Variants in ERN2 observed in about 807,000 individuals in gnomAD.
ERN2 encodes the protein serine/threonine-protein kinase/endoribonuclease IRE2.
In ERN2, 111 loss-of-function variants were observed where a neutral mutation model predicts 107.9. That is an observed-to-expected ratio of 1.03 (90% CI 0.88 to 1.20). The LOEUF is 1.20. ERN2 is among the 50% of genes most tolerant of loss of function. The probability of loss-of-function intolerance (pLI) is 0.00; values close to 1 mark genes in which losing one functional copy is unlikely to be tolerated. For missense variants in ERN2, 1,225 were observed against 1,197.9 expected (o/e 1.02, Z -0.33); for synonymous variants, 524 against 501.7 (o/e 1.04, Z -0.59).
At chr16:23,699,710 A>G (rs1456249902) in intron 13 of ERN2, among the ~76,000 whole-genome samples, 1 of 152,216 alleles carries the variant, frequency 6.6e-6, no homozygotes, top group African/African-American at 2.4e-5. Context: ...GGTGTAAGCC[A>G]CCATGCCCAA....
rs1471359919 is a variant in ERN2 at position 23,692,025 on chromosome 16, C to A, written c.2314G>T (p.Ala772Ser). The change falls in exon 19 of 22, where the codon GCC (alanine) becomes TCC (serine). Residue 772 changes from alanine (A) to serine (S), a missense_variant. Ala to Ser is a moderately conservative substitution (Grantham distance 99). Coordinates refer to ENST00000256797, the MANE Select transcript of ERN2 (RefSeq NM_033266.4). ...AAGGGGTGGGCCAGCACCTGGGGGG[C>A]AGAGGGGCGTGGCTGCGGCAGTGGG... ...LSPLPQPRPS[A>S]PQVLAHPFFW... 6.2e-7 allele frequency: 1 copy of A among 1,613,936 alleles called. No individual in the cohort carries two copies. Among genetic ancestry groups the A allele is most frequent in the Non-Finnish European group, 8.5e-7 (1 of 1,179,992 alleles).
intron 5 of ERN2, 35 bp from the exon 6 acceptor site, chr16:23,706,896 G>A (rs774446131): frequency 6.3e-7 from 1 of 1,585,942 alleles, no homozygotes; most frequent in East Asian, 2.2e-5. Context: ...CTCTCAAGTT[G>A]GCATGGGAAG....
In ERN2 at chr16:23,694,893, G is replaced by A. The variant is rs1470747789; in HGVS notation, c.1935C>T (p.Ile645=). ...HRDLKPGNIL[I]TGPDSQGLGR... ...CCAGGCCCTGGCTGTCAGGCCCGGTGATGAGAATATTTCCTGGCTTCAGGT... is the reference window on the plus strand; with the variant it reads ...CCAGGCCCTGGCTGTCAGGCCCGGTAATGAGAATATTTCCTGGCTTCAGGT... Residue 645 remains isoleucine (I), a synonymous_variant, in exon 17 of 22, where the codon ATC becomes ATT. Transcript: ENST00000256797. 6.2e-7 allele frequency: 1 copy of A among 1,614,116 alleles called. No homozygotes were observed. Among genetic ancestry groups the A allele is most frequent in the East Asian group, 2.2e-5 (1 of 44,896 alleles).
At chr16:23,692,112 G>A in intron 18 of ERN2, 22 bp from the exon 19 acceptor site, 2 of 1,613,760 alleles carry the variant, frequency 1.2e-6, no homozygotes, top group African/African-American at 1.3e-5. Context: ...AAGAGGAGGA[G>A]GAGAGTCTGC....
chr16:23,707,170 A>G, intron 4 of ERN2, 91 bp from the exon 5 acceptor site: 3 of 879,926 alleles, frequency 3.4e-6, no homozygotes, highest in Non-Finnish European at 5.8e-6. Flanking sequence ...GCAACCAATT[A>G]ACAGGTATTA....
intron 11 of ERN2, 97 bp from the exon 12 acceptor site, chr16:23,701,211 G>T: frequency 7.7e-7 from 1 of 1,293,992 alleles, no homozygotes; most frequent in Non-Finnish European, 1.1e-6. Flanking sequence ...TTAGCTGAAG[G>T]GGCAGTGAGT....
chr16:23,712,413 A>G (rs897860195), intron 1 of ERN2: 1 of 161,552 alleles, frequency 6.2e-6, no homozygotes, highest in Non-Finnish European at 1.4e-5. Flanking sequence ...CTGGGCTTGC[A>G]TTCTTAGCTG....
intron 7 of ERN2, among the ~76,000 whole-genome samples, chr16:23,705,667 C>T (rs1438321035): frequency 6.6e-6 from 1 of 152,134 alleles, no homozygotes; most frequent in Non-Finnish European, 1.5e-5. Flanking sequence ...AATCCCAGCA[C>T]TTTGGGAAGC....
Position 23,691,383 on chromosome 16 carries a change from G to C in ERN2, c.2419C>G (p.Leu807Val). ...CCTCCCGCCTCCAGTGCCCTCACCAGGGGCTCCTGCTCGGACTCCTTCTCC... is the reference window on the plus strand; with the variant it reads ...CCTCCCGCCTCCAGTGCCCTCACCACGGGCTCCTGCTCGGACTCCTTCTCC... ...WLEKESEQEPLVRALEAGGCA... is the reference protein window; with the variant it reads ...WLEKESEQEPVVRALEAGGCA... Residue 807 changes from leucine (L) to valine (V), a missense_variant, in exon 20 of 22, where the codon CTG becomes GTG. Coordinates refer to ENST00000256797, the MANE Select transcript of ERN2 (RefSeq NM_033266.4). 4 of 1,601,790 alleles carry C rather than the reference G, an allele frequency of 2.5e-6. No individual in the cohort carries two copies. Among genetic ancestry groups the C allele is most frequent in the Non-Finnish European group, 3.4e-6 (4 of 1,179,838 alleles).
chr16:23,698,999 T>C lies in ERN2; in HGVS notation c.1525+1540A>G, dbSNP rs538072289. Among the ~76,000 whole-genome samples the C allele has an allele frequency of 4.8e-3, 737 of 152,306 alleles. 3 individuals are homozygous for C. Among genetic ancestry groups the C allele is most frequent in the African/African-American group, 0.016 (685 of 41,560 alleles). On this transcript the variant is annotated intron_variant, in intron 13 of 21. Coordinates refer to ENST00000256797, the MANE Select transcript of ERN2 (RefSeq NM_033266.4). ...ATGATCCTGGGGAAAGATGGAGTCC[T>C]GGTTGTCCAGGTAAAGATGAGCCAG...
At chr16:23,711,042 C>T in intron 1 of ERN2, 24 bp from the exon 2 acceptor site, 1 of 1,562,560 alleles carries the variant, frequency 6.4e-7, no homozygotes, top group East Asian at 2.2e-5. Flanking sequence ...GAGACAAAGT[C>T]AGCTCTCTGA....
rs1304791551 is a variant in ERN2, at chr16:23,695,224, C to T, written c.1776G>A (p.Glu592=). ...CCTCCTGCAAGGAGGCCCGGCAGAG[C>T]TCCAGGGCAATGTAGTGGAACTGGG... ...RGPQFHYIAL[E]LCRASLQEYV... Residue 592 remains glutamate, a synonymous_variant, in exon 15 of 22, where the codon GAG becomes GAA. Transcript: ENST00000256797. 1.9e-6 allele frequency: 3 copies of T among 1,614,024 alleles called. No individual in the cohort carries two copies. Among genetic ancestry groups the T allele is most frequent in the Non-Finnish European group, 1.7e-6 (2 of 1,180,034 alleles).
At position 23,702,422 on chromosome 16, in the gene ERN2, C is replaced by A. The variant is rs991617887; in HGVS notation, c.1049G>T (p.Ser350Ile). 2.1e-5 allele frequency: 34 copies of A among 1,613,566 alleles called. No homozygotes were observed. The highest frequency in any genetic ancestry group is 2.5e-5 in the Non-Finnish European group (30 of 1,179,978). The change falls in exon 10 of 22, where the codon AGT becomes ATT. Residue 350 changes from serine to isoleucine, a missense_variant. By Grantham distance (142) the Ser-to-Ile change is moderately radical (BLOSUM62 -2). Coordinates refer to ENST00000256797, the MANE Select transcript of ERN2 (RefSeq NM_033266.4). The stretch of plus-strand genomic sequence containing the variant: ...CAGCCACTGGCTTGGGAGGGCCACA[C>A]TGCCTGAGGGGTATCTAACAGCAGT... ...PSTAVRYPSG[S>I]VALPSQWLLI... is the part of the protein sequence containing the mutation.
intron 4 of ERN2, chr16:23,709,079 A>G (rs1960439140): frequency 2.4e-6 from 1 of 420,222 alleles, no homozygotes; most frequent in Non-Finnish European, 4.7e-6. Context: ...TTATCACTTC[A>G]CCTTCCTAAA....
intron 1 of ERN2, 116 bp from the exon 2 acceptor site, chr16:23,711,134 G>C (rs1446240731): frequency 1.5e-6 from 1 of 662,460 alleles, no homozygotes; most frequent in Non-Finnish European, 2.7e-6. Flanking sequence ...TGCAGCAGGG[G>C]AGGAAGGGTG....
At chr16:23,694,290 C>A (rs1050200225) in intron 17 of ERN2, among the ~76,000 whole-genome samples, 2 of 152,188 alleles carry the variant, frequency 1.3e-5, no homozygotes, top group African/African-American at 4.8e-5. Flanking sequence ...AGCCACCGCA[C>A]CCGGCAATGG....
Position 23,710,915 on chromosome 16 carries a change from T to A in ERN2, c.197A>T (p.Asp66Val). 1 of 1,610,330 alleles carries A rather than the reference T, an allele frequency of 6.2e-7. No homozygotes were observed. The part of the protein sequence containing the change: ...QTGDLKWTLR[D>V]DPVIEGPMYV... ...AGGAGGGACCACCTCTTGCTCACCA[T>A]CCCTCAGAGTCCACTTCAGGTCCCC... Residue 66 changes from aspartate (D) to valine (V), a missense_variant and splice_region_variant, in exon 2 of 22, where the codon GAT becomes GTT. Coordinates refer to ENST00000256797, the MANE Select transcript of ERN2 (RefSeq NM_033266.4).
rs1959629238 is a variant in ERN2 at position 23,692,258 on chromosome 16, C to T, written c.2174G>A (p.Gly725Glu). Reference sequence around the variant, plus strand: ...GTTTGCCTGGCGATAAAGACTGTCTCCAAAGGGGTGGCTGCCACCAGAAAG... The same window carrying T: ...GTTTGCCTGGCGATAAAGACTGTCTTCAAAGGGGTGGCTGCCACCAGAAAG... ...YVLSGGSHPF[G>E]DSLYRQANIL... Residue 725 changes from glycine to glutamate, a missense_variant, in exon 18 of 22, where the codon GGA (glycine) becomes GAA (glutamate). Gly to Glu is a moderately conservative substitution (Grantham distance 98, BLOSUM62 -2). Coordinates refer to ENST00000256797, the MANE Select transcript of ERN2 (RefSeq NM_033266.4). 1 of 1,614,020 alleles carries T rather than the reference C, an allele frequency of 6.2e-7. No homozygotes were observed.
Position 23,700,677 on chromosome 16 carries a change from G to C in ERN2, c.1387C>G (p.Gln463Glu). The C allele has an allele frequency of 1.2e-6, 2 of 1,613,692 alleles. No homozygotes were observed. The highest frequency in any genetic ancestry group is 1.7e-6 in the Non-Finnish European group (2 of 1,179,816). Residue 463 changes from glutamine to glutamate, a missense_variant, in exon 13 of 22, where the codon CAG becomes GAG. Transcript: ENST00000256797. The stretch of plus-strand genomic sequence containing the variant: ...TCTGCAGGTGCCAGGGGGGTCTCCT[G>C]CTGCTTCTCCACCACCTGCGGCTGT... ...QQQPQVVEKQ[Q>E]ETPLAPADFA...
Sources: gnomAD v4.1 joint callset for allele counts (sites outside exome capture counted in the v4.1 genomes callset) on GRCh38, gnomAD v4.1.1 for gene constraint, MANE v1.5 for transcripts, NCBI Gene and HGNC (gene_info 2026-07-23, HGNC 2026-07-21) for gene names.